SEL1L2: variants seen among roughly 807,000 people sequenced by gnomAD.
SEL1L2 encodes protein sel-1 homolog 2.
SEL1L2 carries 89 observed loss-of-function variants against 98.8 expected under a neutral mutation model. The observed-to-expected ratio is 0.90, with a 90% CI of 0.76 to 1.07. The LOEUF (loss-of-function observed/expected upper bound fraction) is 1.07, where lower values mean the gene tolerates loss of function less well. Ranked by LOEUF, SEL1L2 falls within the 50% of genes least tolerant of loss-of-function variation. The pLI is 0.00. For synonymous variants in SEL1L2, 262 were observed against 278.5 expected (o/e 0.94, Z 0.59); for missense variants, 788 against 812.0 (o/e 0.97, Z 0.36).
At chr20:13,994,164 C>T (rs565699808), upstream of SEL1L2, among the ~76,000 whole-genome samples, 7 of 151,956 alleles carry the variant, frequency 4.6e-5, no homozygotes, top group East Asian at 3.9e-4. Context: ...GGCATGGTGG[C>T]GCATGCCTGT....
At chr20:13,902,941 C>T (rs1457960299) in intron 5 of SEL1L2, among the ~76,000 whole-genome samples, 4 of 151,854 alleles carry the variant, frequency 2.6e-5, no homozygotes, top group Non-Finnish European at 5.9e-5. Flanking sequence ...AATGGTGAAA[C>T]CCCGTCTCTA....
chr20:13,931,876 T>TA, intron 2 of SEL1L2, 105 bp from the exon 3 acceptor site: 1 of 884,924 alleles, frequency 1.1e-6, no homozygotes, highest in Non-Finnish European at 1.6e-6. Context: ...AATACAAGCT[T>TA]AATGCAATTA....
chr20:13,987,311 G>GTTTT (rs67919960), intron 1 of SEL1L2, among the ~76,000 whole-genome samples: 4 of 132,218 alleles, frequency 3.0e-5, no homozygotes, highest in African/African-American at 1.2e-4. Flanking sequence ...TTAATTTACT[G>GTTTT]TTTTTTTTTT....
chr20:13,965,506 G>A (rs190636810), intron 1 of SEL1L2, among the ~76,000 whole-genome samples: 107 of 152,258 alleles, frequency 7.0e-4, no homozygotes, highest in African/African-American at 2.3e-3. Context: ...AAAGCACAGC[G>A]TAAATCAGAC....
At chr20:13,967,028 C>T (rs374509702) in intron 1 of SEL1L2, among the ~76,000 whole-genome samples, 43 of 152,000 alleles carry the variant, frequency 2.8e-4, no homozygotes, top group Middle Eastern at 3.4e-3. Context: ...ACTATAGGCA[C>T]GGGCTACCAT....
At chr20:13,902,977 C>T (rs938414750) in intron 5 of SEL1L2, among the ~76,000 whole-genome samples, 3 of 151,858 alleles carry the variant, frequency 2.0e-5, no homozygotes, top group Middle Eastern at 3.4e-3. Context: ...TTAGCTGGAC[C>T]CACTGGTAGC....
At chr20:13,957,751 A>G (rs1321245) in intron 1 of SEL1L2, among the ~76,000 whole-genome samples, 151,651 of 152,146 alleles carry the variant, frequency 1, 75,578 homozygotes, top group East Asian at 1. Context: ...GGTGGCATGC[A>G]CCTGAAATCC....
chr20:13,973,280 T>C (rs961515577), intron 1 of SEL1L2: 2 of 152,222 alleles, frequency 1.3e-5, no homozygotes, highest in Non-Finnish European at 2.9e-5. Flanking sequence ...TATTATGGTA[T>C]TTTATGTTTA....
intron 1 of SEL1L2, among the ~76,000 whole-genome samples, chr20:13,968,168 G>A (rs2051133408): frequency 6.6e-6 from 1 of 152,156 alleles, no homozygotes; most frequent in East Asian, 1.9e-4. Flanking sequence ...TAAAGTTACT[G>A]GGGACTAGGT....
At chr20:13,933,492 G>C (rs995438249) in intron 2 of SEL1L2, among the ~76,000 whole-genome samples, 2 of 152,164 alleles carry the variant, frequency 1.3e-5, no homozygotes, top group African/African-American at 4.8e-5. Flanking sequence ...CTCTATTGCG[G>C]ACATTCATAT....
At chr20:13,929,323 G>A (rs1455751534) in intron 3 of SEL1L2, among the ~76,000 whole-genome samples, 1 of 151,644 alleles carries the variant, frequency 6.6e-6, no homozygotes, top group African/African-American at 2.4e-5. Flanking sequence ...TTTTAGATGA[G>A]GACCTCTAAC....
At chr20:13,864,543 C>T (rs796501139) in intron 17 of SEL1L2, among the ~76,000 whole-genome samples, 54 of 152,278 alleles carry the variant, frequency 3.5e-4, no homozygotes, top group African/African-American at 1.3e-3. Flanking sequence ...ATACCACCTG[C>T]CAATGCTTTT....
chr20:13,956,339 A>T (rs2148447387), intron 1 of SEL1L2, among the ~76,000 whole-genome samples: 1 of 152,264 alleles, frequency 6.6e-6, no homozygotes, highest in Non-Finnish European at 1.5e-5. Flanking sequence ...TTGACACCAG[A>T]GACAATCTAT....
intron 5 of SEL1L2, among the ~76,000 whole-genome samples, chr20:13,901,856 T>C (rs1433453121): frequency 6.6e-6 from 1 of 152,024 alleles, no homozygotes; most frequent in Non-Finnish European, 1.5e-5. Flanking sequence ...AGAGACGGGG[T>C]TTCACCATGT....
At chr20:13,936,642 G>T (rs922931649) in intron 2 of SEL1L2, among the ~76,000 whole-genome samples, 2 of 152,092 alleles carry the variant, frequency 1.3e-5, no homozygotes, top group Admixed American at 1.3e-4. Flanking sequence ...ACCCTCCTGC[G>T]CACCAAACTA....
intron 1 of SEL1L2, among the ~76,000 whole-genome samples, chr20:13,978,403 G>T (rs1331843714): frequency 6.6e-6 from 1 of 152,106 alleles, no homozygotes; most frequent in Admixed American, 6.5e-5. Context: ...TTATCAAAAA[G>T]ACAAAAATTA....
At chr20:13,953,395 G>C (rs1198395913) in intron 2 of SEL1L2, among the ~76,000 whole-genome samples, 1 of 152,170 alleles carries the variant, frequency 6.6e-6, no homozygotes, top group Non-Finnish European at 1.5e-5. Context: ...ACCTCTGAGG[G>C]AGCTCCAATG....
chr20:13,929,204 A>G (rs1267131958), intron 3 of SEL1L2, among the ~76,000 whole-genome samples: 1 of 152,018 alleles, frequency 6.6e-6, no homozygotes, highest in East Asian at 1.9e-4. Context: ...CAGCCCCACA[A>G]TCGCATAAGC....
intron 5 of SEL1L2, among the ~76,000 whole-genome samples, chr20:13,889,807 A>C (rs1333412420): frequency 6.6e-6 from 1 of 152,140 alleles, no homozygotes; most frequent in East Asian, 1.9e-4. Flanking sequence ...AACAAAAAAC[A>C]AAAAAAGCCC....
Sources: allele counts gnomAD v4.1 joint callset (sites outside exome capture counted in the v4.1 genomes callset), GRCh38; gene constraint gnomAD v4.1.1; transcripts MANE v1.5; gene names NCBI Gene and HGNC (gene_info 2026-07-23, HGNC 2026-07-21).